FGFR3: variants seen among roughly 807,000 people sequenced by gnomAD.
FGFR3 encodes the protein fibroblast growth factor receptor 3.
FGFR3 carries 25 observed loss-of-function variants against 82.9 expected under a neutral mutation model. The observed-to-expected ratio is 0.30, with a 90% confidence interval of 0.22 to 0.42. The LOEUF (loss-of-function observed/expected upper bound fraction) is 0.42. Among genes scored for constraint, FGFR3 ranks in the 10% least tolerant of loss-of-function variants. FGFR3 has a pLI of 1.00. For missense variants in FGFR3, 1,026 were observed against 1,161.0 expected, an observed-to-expected ratio of 0.88 and a Z score of 1.69; for synonymous variants, 620 against 516.0, an observed-to-expected ratio of 1.20 and a Z score of -2.73.
intron 16 of FGFR3, 50 bp downstream of exon 16, chr4:1,806,733 T>A (rs2108813177): frequency 8.4e-7 from 1 of 1,195,260 alleles, no homozygotes; most frequent in Non-Finnish European, 1.2e-6. Flanking sequence ...TGGGGGTCCC[T>A]CCGGGGCTGG....
rs1722204786 is a variant in FGFR3, at chr4:1,808,145, A to T, written c.*883A>T. 1 of 232,530 alleles carries T rather than the reference A, an allele frequency of 4.3e-6. No homozygotes were observed. The highest frequency in any genetic ancestry group is 1.8e-4 in the South Asian group (1 of 5,520). 14.4% of individuals were successfully genotyped at this position (232,530 alleles called of 1,614,324 possible). ...GGGCCCCTGGCACTCTTGTTCCCAC[A>T]CCCCAACACTTCCAGCATTTAGCTG... On this transcript the variant is annotated 3_prime_UTR_variant, in exon 18 of 18. Transcript: ENST00000440486.
chr4:1,800,122 A>C (rs1460270814), intron 4 of FGFR3, among the ~76,000 whole-genome samples: 1 of 151,922 alleles, frequency 6.6e-6, no homozygotes, highest in South Asian at 2.1e-4. Context: ...GGTGTTGGCT[A>C]TAGGTGAGGT....
At chr4:1,805,115 T>C in intron 10 of FGFR3, 146 bp downstream of exon 10, 1 of 1,322,972 alleles carries the variant, frequency 7.6e-7, no homozygotes, top group African/African-American at 1.5e-5. Context: ...GAGATGCTCC[T>C]GGGACGGGTG....
intron 10 of FGFR3, 124 bp downstream of exon 10, chr4:1,805,093 T>C: frequency 7.2e-7 from 1 of 1,389,118 alleles, no homozygotes; most frequent in Non-Finnish European, 9.6e-7. Context: ...TGGGTGTGGC[T>C]GGGGTTCTGT....
chr4:1,803,180 C>T (rs963192365), intron 7 of FGFR3: 217 of 1,235,162 alleles, frequency 1.8e-4, no homozygotes, highest in Non-Finnish European at 2.2e-4. Context: ...GCTCGCGCTC[C>T]ACTCGGGGCC....
At position 1,806,664 on chromosome 4, in the gene FGFR3, G is replaced by A. The variant is rs17882190; in HGVS notation, c.2149G>A (p.Ala717Thr). 348 of 1,612,446 alleles carry A rather than the reference G, an allele frequency of 2.2e-4. 2 individuals are homozygous for A. The African/African-American group carries it at 3.8e-3, about 18-fold the overall frequency. Residue 717 changes from alanine (A) to threonine (T), a missense_variant, in exon 16 of 18, where the codon GCC becomes ACC. Physicochemically the swap from Ala to Thr is moderately conservative, Grantham distance 58. Around this residue, in one of 9 missense-constraint regions of FGFR3, gnomAD observed 155 missense variants for 150.2 expected, o/e 1.03. Coordinates refer to ENST00000440486, the MANE Select transcript of FGFR3 (RefSeq NM_000142.5). The part of the protein sequence containing the change: ...LKEGHRMDKP[A>T]NCTHDLYMIM... The stretch of plus-strand genomic sequence containing the variant: ...GGAGGGCCACCGCATGGACAAGCCC[G>A]CCAACTGCACACACGACCTGTGAGT...
At position 1,805,766 on chromosome 4, in the gene FGFR3, G is replaced by C; in HGVS notation, c.1662G>C (p.Leu554=). The change falls in exon 13 of 18, where the codon CTG becomes CTC. Residue 554 remains leucine, a synonymous_variant. Coordinates refer to ENST00000440486, the MANE Select transcript of FGFR3 (RefSeq NM_000142.5). ...ACTQGGPLYV[L]VEYAAKGNLR... is the part of the protein sequence containing the mutation. ...TGTCCCCAGGGCCCCTGTACGTGCT[G>C]GTGGAGTACGCGGCCAAGGGTAACC... The C allele has an allele frequency of 6.2e-7, 1 of 1,612,580 alleles. No homozygotes were observed. Among genetic ancestry groups the C allele is most frequent in the Non-Finnish European group, 8.5e-7 (1 of 1,179,776 alleles).
rs199779110 is a variant in FGFR3, at chr4:1,805,793, G to T, written c.1689G>T (p.Leu563=). The T allele has an allele frequency of 6.2e-7, 1 of 1,612,684 alleles. No individual in the cohort carries two copies. The highest frequency in any genetic ancestry group is 1.7e-5 in the Admixed American group (1 of 59,998). ...TGGAGTACGCGGCCAAGGGTAACCTGCGGGAGTTTCTGCGGGCGCGGCGGC... is the reference window on the plus strand; with the variant it reads ...TGGAGTACGCGGCCAAGGGTAACCTTCGGGAGTTTCTGCGGGCGCGGCGGC... ...VLVEYAAKGN[L]REFLRARRPP... The change falls in exon 13 of 18, where the codon CTG becomes CTT. Residue 563 remains leucine (L), a synonymous_variant. Transcript: ENST00000440486.
intron 4 of FGFR3, 86 bp downstream of exon 4, chr4:1,799,898 C>T: frequency 1.3e-6 from 2 of 1,493,310 alleles, no homozygotes; most frequent in South Asian, 1.2e-5. Context: ...AGCTGAGGGA[C>T]TAAGGCCCCG....
chr4:1,805,035 G>A, intron 10 of FGFR3, 66 bp downstream of exon 10: 1 of 1,495,802 alleles, frequency 6.7e-7, no homozygotes, highest in Non-Finnish European at 8.9e-7. Flanking sequence ...ACAGCCACCA[G>A]TCAGAGGCCC....
intron 6 of FGFR3, 36 bp from the exon 7 acceptor site, chr4:1,801,799 G>C (rs750160092): frequency 1.0e-5 from 16 of 1,598,034 alleles, no homozygotes; most frequent in Non-Finnish European, 1.2e-5. Flanking sequence ...GGTGGTGAGG[G>C]AGGGGGTGGC....
At chr4:1,803,664 C>T (rs374390173) in intron 7 of FGFR3, 28 bp from the exon 8 acceptor site, 25 of 1,610,388 alleles carry the variant, frequency 1.6e-5, no homozygotes, top group East Asian at 4.5e-5. Context: ...TGCTGGCGCT[C>T]GCCTATCGCT....
In FGFR3 at chr4:1,803,163, C is replaced by T. The variant is rs970606257; in HGVS notation, c.931-529C>T. 86 of 1,315,234 alleles carry T rather than the reference C, an allele frequency of 6.5e-5. 1 individual carries two copies. Among genetic ancestry groups the T allele is most frequent in the Middle Eastern group, 5.1e-4 (2 of 3,910 alleles). The allele number at this position is 1,315,234 out of a possible 1,614,324, so 81.5% of individuals were successfully genotyped here. A position where few individuals can be genotyped will look rare whatever the true frequency, so the allele number is the denominator to read the frequency against. The stretch of plus-strand genomic sequence containing the variant: ...CCGCACGCCCAGCCCTGCTCGCTCC[C>T]GCCCCGGCTCGCGCTCCACTCGGGG... On this transcript the variant is annotated intron_variant, in intron 7 of 17. Coordinates refer to ENST00000440486, the MANE Select transcript of FGFR3 (RefSeq NM_000142.5).
chr4:1,808,300 G>T lies in FGFR3; in HGVS notation c.*1038G>T, dbSNP rs537854144. 59 of 232,828 alleles carry T rather than the reference G, an allele frequency of 2.5e-4. No individual in the cohort carries two copies. The highest frequency in any genetic ancestry group is 1.3e-3 in the African/African-American group (57 of 45,400). 14.4% of individuals were successfully genotyped at this position (232,828 alleles called of 1,614,324 possible). On this transcript the variant is annotated 3_prime_UTR_variant, in exon 18 of 18. Transcript: ENST00000440486. ...TGGAGGATCCCCTCCAAGCCTAAAA[G>T]GTTGTTAATAGTTGGAGGTGATTCC...
At chr4:1,797,649 C>T (rs1720674618) in intron 2 of FGFR3, among the ~76,000 whole-genome samples, 1 of 152,228 alleles carries the variant, frequency 6.6e-6, no homozygotes, top group South Asian at 2.1e-4. Flanking sequence ...GAGCAGCTCC[C>T]AGCTCTGGGT....
At position 1,807,383 on chromosome 4, in the gene FGFR3, CTGTG is replaced by C. The variant is rs750480041; in HGVS notation, c.*134_*137del. 326 of 1,223,312 alleles carry C rather than the reference CTGTG, an allele frequency of 2.7e-4. 1 individual carries two copies. Among genetic ancestry groups the C allele is most frequent in the East Asian group, 2.4e-3 (79 of 33,156 alleles). The allele number at this position is 1,223,312 out of a possible 1,614,324, so 75.8% of individuals were successfully genotyped here. ...AGAGACAGCTACACAGAGCTTTGGT[CTGTG>C]TGTGTGTGTGTGCGTGTGTGTGTGT... On this transcript the variant is annotated 3_prime_UTR_variant, in exon 18 of 18. Transcript: ENST00000440486.
Position 1,793,710 on chromosome 4 carries a change from C to T in FGFR3, c.-102-123C>T, listed in dbSNP as rs1281574264. On this transcript the variant is annotated intron_variant, in intron 1 of 17. Transcript: ENST00000440486. ...CGGCCGGCGCCAGGCGGCCCGGGAG[C>T]CCTGGGCGGCGGCGGCGGCGGGCGG... is the stretch of plus-strand genomic sequence containing the variant. 6 of 153,496 alleles carry T rather than the reference C, an allele frequency of 3.9e-5. No individual in the cohort carries two copies. In the South Asian group the frequency reaches 5.3e-4, roughly 14 times the overall value. 9.5% of individuals were successfully genotyped at this position (153,496 alleles called of 1,614,324 possible). A position where few individuals can be genotyped will look rare whatever the true frequency, so the allele number is the denominator to read the frequency against.
chr4:1,803,727 G>T lies in FGFR3; in HGVS notation c.966G>T (p.Glu322Asp), dbSNP rs1328998931. Reference sequence around the variant, plus strand: ...CTAACACCACCGACAAGGAGCTAGAGGTTCTCTCCTTGCACAACGTCACCT... The same window carrying T: ...CTAACACCACCGACAAGGAGCTAGATGTTCTCTCCTTGCACAACGTCACCT... ...AGANTTDKEL[E>D]VLSLHNVTFE... Residue 322 changes from glutamate to aspartate, a missense_variant, in exon 8 of 18, where the codon GAG (glutamate) becomes GAT (aspartate). By Grantham distance (45) the Glu-to-Asp change is conservative. Around this residue, in one of 9 missense-constraint regions of FGFR3, gnomAD observed 256 missense variants for 217.6 expected, o/e 1.18. Coordinates refer to ENST00000440486, the MANE Select transcript of FGFR3 (RefSeq NM_000142.5). 6.2e-7 allele frequency: 1 copy of T among 1,614,024 alleles called. No individual in the cohort carries two copies. The highest frequency in any genetic ancestry group is 8.5e-7 in the Non-Finnish European group (1 of 1,180,024).
chr4:1,795,480 G>C (rs1720392627), intron 2 of FGFR3, among the ~76,000 whole-genome samples: 2 of 151,830 alleles, frequency 1.3e-5, no homozygotes, highest in Non-Finnish European at 2.9e-5. Context: ...AACAGGTAGT[G>C]AGTTGATCGG....
Sources: gnomAD v4.1 joint callset for allele counts (sites outside exome capture counted in the v4.1 genomes callset) on GRCh38, gnomAD v4.1.1 for gene constraint, gnomAD v4.1.1 regional missense constraint, MANE v1.5 for transcripts, NCBI Gene and HGNC (gene_info 2026-07-23, HGNC 2026-07-21) for gene names.